ULK4: variants seen among roughly 807,000 people sequenced by gnomAD.
ULK4 encodes the protein unc-51 like kinase 4, also known as inactive serine/threonine-protein kinase ULK4.
Under a neutral mutation model 160.6 loss-of-function variants are expected in ULK4, and 133 were observed. The observed-to-expected ratio is 0.83, with a 90% CI of 0.72 to 0.96. The LOEUF (loss-of-function observed/expected upper bound fraction) is 0.96. ULK4 is among the 40% of genes least tolerant of loss of function. The pLI, the probability that ULK4 is intolerant of heterozygous loss-of-function variation, is 0.00. For synonymous variants in ULK4, 534 were observed against 539.8 expected, an observed-to-expected ratio of 0.99 and a Z score of 0.15; for missense variants, 1,580 against 1,499.5, an observed-to-expected ratio of 1.05 and a Z score of -0.89.
intron 4 of ULK4, among the ~76,000 whole-genome samples, chr3:41,934,205 T>C (rs1699688704): frequency 6.6e-6 from 1 of 152,206 alleles, no homozygotes; most frequent in African/African-American, 2.4e-5. Context: ...CACATCCAGG[T>C]ATTTACAAAT....
chr3:41,534,699 A>G (rs1490522712), intron 32 of ULK4, among the ~76,000 whole-genome samples: 1 of 152,126 alleles, frequency 6.6e-6, no homozygotes, highest in South Asian at 2.1e-4. Context: ...GCCACTGATC[A>G]TAAGGACCAT....
intron 31 of ULK4, among the ~76,000 whole-genome samples, chr3:41,591,582 C>A (rs1399741241): frequency 1.3e-5 from 2 of 151,926 alleles, no homozygotes; most frequent in Non-Finnish European, 2.9e-5. Flanking sequence ...CTGTCCTGGG[C>A]CGCAGGTTAG....
chr3:41,884,822 T>G (rs1716998), intron 16 of ULK4, among the ~76,000 whole-genome samples: 132,838 of 152,176 alleles, frequency 0.87, 59,679 homozygotes, highest in Non-Finnish European at 0.98. Context: ...TTCTTAAATT[T>G]CCCATTAAAA....
Position 41,478,722 on chromosome 3 carries a change from T to A in ULK4, c.3227-15469A>T, listed in dbSNP as rs143609749. ...AGGGATTTCTGCACTGAAGATACACTCATTTTGACTACTCATAGCTCAAGT... is the reference window on the plus strand; with the variant it reads ...AGGGATTTCTGCACTGAAGATACACACATTTTGACTACTCATAGCTCAAGT... On this transcript the variant is annotated intron_variant, in intron 32 of 36. Transcript: ENST00000301831. Among the ~76,000 whole-genome samples, 3 of 152,328 alleles carry A rather than the reference T, an allele frequency of 2.0e-5. No homozygotes were observed. In the East Asian group the frequency reaches 5.8e-4, roughly 29 times the overall value.
intron 32 of ULK4, among the ~76,000 whole-genome samples, chr3:41,534,516 C>CAAAAAAAAA (rs11381017): frequency 8.2e-4 from 116 of 142,100 alleles, no homozygotes; most frequent in African/African-American, 2.4e-3. Flanking sequence ...AATGTTTAAG[C>CAAAAAAAAA]AAAAAAAAAA....
chr3:41,494,562 G>A (rs1255151869), intron 32 of ULK4, among the ~76,000 whole-genome samples: 14 of 151,814 alleles, frequency 9.2e-5, no homozygotes, highest in African/African-American at 3.1e-4. Flanking sequence ...TCAACATAGT[G>A]TTGGAAGTTC....
rs148274875 is a variant in ULK4 at position 41,591,069 on chromosome 3, T to A, written c.3120+24600A>T. 6.0e-3 allele frequency among the ~76,000 whole-genome samples: 896 copies of A among 149,686 alleles called. 8 individuals carry two copies. The highest frequency in any genetic ancestry group is 0.017 in the Middle Eastern group (5 of 292). ...CTAATCATAATCAGATTGCTGACAA[T>A]CAGAAAAGAGAGGAAAATCTTAAAA... On this transcript the variant is annotated intron_variant, in intron 31 of 36. Transcript: ENST00000301831.
intron 29 of ULK4, among the ~76,000 whole-genome samples, chr3:41,674,199 A>G (rs903034942): frequency 3.3e-5 from 5 of 152,192 alleles, no homozygotes; most frequent in African/African-American, 1.2e-4. Context: ...ATCTAGTCCC[A>G]TTTACAGATA....
chr3:41,723,268 C>G (rs556767514), intron 22 of ULK4, among the ~76,000 whole-genome samples: 3 of 151,972 alleles, frequency 2.0e-5, no homozygotes, highest in Non-Finnish European at 4.4e-5. Context: ...TCTGAAATGC[C>G]TGTTCAGGTC....
chr3:41,784,352 T>C (rs1365206869), intron 21 of ULK4, among the ~76,000 whole-genome samples: 1 of 152,060 alleles, frequency 6.6e-6, no homozygotes, highest in Non-Finnish European at 1.5e-5. Flanking sequence ...GAGAATCGCT[T>C]GAACCCAGGA....
chr3:41,407,398 G>T lies in ULK4; in HGVS notation c.3493-9134C>A, dbSNP rs78897123. On this transcript the variant is annotated intron_variant, in intron 34 of 36. Transcript: ENST00000301831. Reference sequence around the variant, plus strand: ...CTGATACCCCAACCAGACAAAGATAGTACAAAAAACAACAACAATAACAAC... The same window carrying T: ...CTGATACCCCAACCAGACAAAGATATTACAAAAAACAACAACAATAACAAC... 2.5e-3 allele frequency among the ~76,000 whole-genome samples: 376 copies of T among 152,122 alleles called. 2 individuals carry two copies. Among genetic ancestry groups the T allele is most frequent in the East Asian group, 0.015 (77 of 5,162 alleles).
intron 21 of ULK4, among the ~76,000 whole-genome samples, chr3:41,762,655 C>CG (rs538388454): frequency 1.2e-4 from 11 of 89,002 alleles, no homozygotes; most frequent in African/African-American, 4.5e-4. Flanking sequence ...AAGTGTTACA[C>CG]TTTTTTTTTT....
intron 30 of ULK4, among the ~76,000 whole-genome samples, chr3:41,643,038 G>C (rs1353703157): frequency 7.2e-5 from 11 of 151,928 alleles, no homozygotes; most frequent in Non-Finnish European, 1.3e-4. Flanking sequence ...TGATGGGGTT[G>C]TTTGTTTTTT....
At chr3:41,954,176 T>TAAAAAAAAAAAAAAAAAAAA (rs11325222) in intron 2 of ULK4, among the ~76,000 whole-genome samples, 1 of 118,688 alleles carries the variant, frequency 8.4e-6, no homozygotes, top group Non-Finnish European at 1.7e-5. Flanking sequence ...GACTCCGTCT[T>TAAAAAAAAAAAAAAAAAAAA]AAAAAAAAAA....
intron 34 of ULK4, among the ~76,000 whole-genome samples, chr3:41,423,555 A>G (rs1230304938): frequency 6.6e-6 from 1 of 152,116 alleles, no homozygotes; most frequent in Non-Finnish European, 1.5e-5. Context: ...CTTTTTGGTT[A>G]TAAGATTCAA....
intron 36 of ULK4, 60 bp from the exon 37 acceptor site, chr3:41,247,052 C>A (rs902415646): frequency 1.9e-6 from 3 of 1,541,526 alleles, no homozygotes; most frequent in Non-Finnish European, 2.7e-6. Context: ...AGTGCTCCCC[C>A]CTTTCAAAGG....
chr3:41,828,533 C>T (rs1288690198), intron 18 of ULK4, among the ~76,000 whole-genome samples: 1 of 135,294 alleles, frequency 7.4e-6, no homozygotes, highest in Non-Finnish European at 1.5e-5. Flanking sequence ...CATGAGTGAA[C>T]TCCCATTCAC....
intron 29 of ULK4, among the ~76,000 whole-genome samples, chr3:41,674,299 G>C (rs1399107271): frequency 1.3e-5 from 2 of 152,156 alleles, no homozygotes; most frequent in Non-Finnish European, 2.9e-5. Flanking sequence ...TTAGTACTAA[G>C]AGTTCCTTGA....
At chr3:41,517,110 C>T (rs1377815983) in intron 32 of ULK4, among the ~76,000 whole-genome samples, 1 of 152,032 alleles carries the variant, frequency 6.6e-6, no homozygotes, top group Non-Finnish European at 1.5e-5. Flanking sequence ...GGCAAATGAG[C>T]ACAGGAAAGG....
Sources: gnomAD v4.1 joint callset for allele counts (sites outside exome capture counted in the v4.1 genomes callset) on GRCh38, gnomAD v4.1.1 for gene constraint, MANE v1.5 for transcripts, NCBI Gene and HGNC (gene_info 2026-07-23, HGNC 2026-07-21) for gene names.